The following ZFYVE16 variants were observed in gnomAD, a reference collection of about 807,000 sequenced individuals.
ZFYVE16 encodes the protein zinc finger FYVE domain-containing protein 16.
In ZFYVE16, 89 loss-of-function variants were observed where a neutral mutation model predicts 138.1. The observed-to-expected ratio is 0.64, with a 90% CI of 0.54 to 0.77. The LOEUF (loss-of-function observed/expected upper bound fraction) is 0.77. Among genes scored for constraint, ZFYVE16 ranks in the 30% least tolerant of loss-of-function variants. ZFYVE16 has a pLI of 0.00. For missense variants in ZFYVE16, 1,793 were observed against 1,786.7 expected (o/e 1.00, Z -0.06); for synonymous variants, 596 against 618.3 (o/e 0.96, Z 0.53).
At chr5:80,414,289 A>G (rs1023675760) in intron 1 of ZFYVE16, among the ~76,000 whole-genome samples, 2 of 152,180 alleles carry the variant, frequency 1.3e-5, no homozygotes, top group African/African-American at 4.8e-5. Flanking sequence ...TCCTGCCTCC[A>G]TCTTGATGGG....
chr5:80,408,703 T>C (rs1306302520), intron 1 of ZFYVE16, among the ~76,000 whole-genome samples: 2 of 152,256 alleles, frequency 1.3e-5, no homozygotes, highest in African/African-American at 4.8e-5. Flanking sequence ...TTTGGTACTT[T>C]TGAGAACTCC....
intron 1 of ZFYVE16, among the ~76,000 whole-genome samples, chr5:80,411,262 A>G (rs1461458451): frequency 6.6e-6 from 1 of 151,394 alleles, no homozygotes; most frequent in African/African-American, 2.4e-5. Context: ...GATTACAGGC[A>G]TGAGCCACCA....
At chr5:80,458,575 T>C (rs928324269) in intron 14 of ZFYVE16, among the ~76,000 whole-genome samples, 3 of 152,228 alleles carry the variant, frequency 2.0e-5, no homozygotes, top group African/African-American at 7.2e-5. Flanking sequence ...TACAGAACTT[T>C]ACATTTTATA....
At chr5:80,458,482 C>G (rs921621583) in intron 14 of ZFYVE16, among the ~76,000 whole-genome samples, 1 of 152,076 alleles carries the variant, frequency 6.6e-6, no homozygotes, top group African/African-American at 2.4e-5. Flanking sequence ...AATATTTGCT[C>G]CATTCTATAC....
intron 15 of ZFYVE16, among the ~76,000 whole-genome samples, chr5:80,462,788 G>T (rs1753272977): frequency 6.6e-6 from 1 of 152,188 alleles, no homozygotes; most frequent in South Asian, 2.1e-4. Context: ...TACATTTGGG[G>T]TACAGGCGTT....
chr5:80,461,680 G>A (rs1753132222), intron 15 of ZFYVE16, among the ~76,000 whole-genome samples: 1 of 152,034 alleles, frequency 6.6e-6, no homozygotes, highest in Non-Finnish European at 1.5e-5. Context: ...CTTCTTCTAA[G>A]AACACCAGTC....
At chr5:80,450,755 T>C (rs1484039610) in intron 10 of ZFYVE16, among the ~76,000 whole-genome samples, 169 bp downstream of exon 10, 1 of 152,106 alleles carries the variant, frequency 6.6e-6, no homozygotes, top group African/African-American at 2.4e-5. Flanking sequence ...TAGCATTTTA[T>C]GTGATTAGTG....
At chr5:80,412,709 A>G (rs751744216) in intron 1 of ZFYVE16, among the ~76,000 whole-genome samples, 1 of 152,214 alleles carries the variant, frequency 6.6e-6, no homozygotes, top group African/African-American at 2.4e-5. Context: ...GCTTTTGCTA[A>G]TAAGAAACTA....
chr5:80,450,710 A>C (rs1022146769), intron 10 of ZFYVE16, 124 bp downstream of exon 10: 9 of 920,548 alleles, frequency 9.8e-6, no homozygotes, highest in Non-Finnish European at 1.4e-5. Context: ...CTGATTTCTG[A>C]AAATAGCTTA....
intron 15 of ZFYVE16, among the ~76,000 whole-genome samples, chr5:80,472,120 G>A (rs1013430989): frequency 1.3e-5 from 2 of 151,982 alleles, no homozygotes; most frequent in African/African-American, 2.4e-5. Context: ...CTCTGTTATT[G>A]TGTCCCCAGT....
chr5:80,464,527 A>C lies in ZFYVE16; in HGVS notation c.4024+5033A>C, dbSNP rs373227675. ...CATGATGAGATTTGGGTGGGGACAC[A>C]AAGCCTAACCATATCACTAAGAATT... On this transcript the variant is annotated intron_variant, in intron 15 of 18. Coordinates refer to ENST00000505560, the MANE Select transcript of ZFYVE16 (RefSeq NM_001284236.3). Among the ~76,000 whole-genome samples the C allele has an allele frequency of 3.9e-5, 6 of 152,328 alleles. No homozygotes were observed. The East Asian group carries it at 1.2e-3, about 29-fold the overall frequency.
chr5:80,448,227 G>A lies in ZFYVE16; in HGVS notation c.2926G>A (p.Glu976Lys). The change falls in exon 8 of 19, where the codon GAA becomes AAA. Residue 976 changes from glutamate (E) to lysine (K), a missense_variant. Glu to Lys is a moderately conservative substitution (Grantham distance 56). Around this residue, in one of 2 missense-constraint regions of ZFYVE16, gnomAD observed 1,295 missense variants for 1,204.3 expected, o/e 1.08. Transcript: ENST00000505560. ...TLDDDVFAETEEPSSPTGVLV... is the reference protein window; with the variant it reads ...TLDDDVFAETKEPSSPTGVLV... ...AGATGATGATGTTTTTGCAGAAACT[G>A]AAGAACCATCTAGTCCTACTGGTGT... 1 of 1,613,894 alleles carries A rather than the reference G, an allele frequency of 6.2e-7. No homozygotes were observed. Among genetic ancestry groups the A allele is most frequent in the Non-Finnish European group, 8.5e-7 (1 of 1,179,928 alleles).
upstream of ZFYVE16, chr5:80,407,999 T>C (rs1744837931): frequency 6.6e-6 from 1 of 152,328 alleles, no homozygotes; most frequent in African/African-American, 2.4e-5. Flanking sequence ...GAAAGCGTCC[T>C]CTGCGCCTGC....
intron 2 of ZFYVE16, among the ~76,000 whole-genome samples, chr5:80,428,181 A>C (rs891214796): frequency 7.2e-5 from 11 of 152,068 alleles, no homozygotes; most frequent in African/African-American, 2.4e-4. Flanking sequence ...CTGACCCCCG[A>C]GTAGCCTAAC....
chr5:80,432,215 T>C (rs563467356), intron 2 of ZFYVE16, among the ~76,000 whole-genome samples: 9 of 152,284 alleles, frequency 5.9e-5, no homozygotes, highest in Admixed American at 3.3e-4. Context: ...CAAAACAGCA[T>C]GGTACTGGTA....
chr5:80,465,399 T>TG (rs1330156471), intron 15 of ZFYVE16, among the ~76,000 whole-genome samples: 9 of 122,122 alleles, frequency 7.4e-5, no homozygotes, highest in Non-Finnish European at 1.4e-4. Context: ...TCCTTTTCTT[T>TG]GTTTTTTTTT....
intron 14 of ZFYVE16, among the ~76,000 whole-genome samples, chr5:80,458,727 C>A (rs1752789708): frequency 6.6e-6 from 1 of 152,010 alleles, no homozygotes; most frequent in Non-Finnish European, 1.5e-5. Flanking sequence ...AAGATAAATT[C>A]CCAAAAGTGG....
At chr5:80,444,246 T>C (rs1265332254) in intron 6 of ZFYVE16, among the ~76,000 whole-genome samples, 4 of 152,148 alleles carry the variant, frequency 2.6e-5, no homozygotes, top group Non-Finnish European at 4.4e-5. Context: ...TCGTATATTA[T>C]AGCTCTAAAG....
chr5:80,408,294 C>T (rs561795954), intron 1 of ZFYVE16, 141 bp downstream of exon 1: 2 of 152,632 alleles, frequency 1.3e-5, no homozygotes, highest in Admixed American at 1.3e-4. Flanking sequence ...GGGCCCCGAC[C>T]GATTCCTTTT....
Sources: allele counts gnomAD v4.1 joint callset (sites outside exome capture counted in the v4.1 genomes callset), GRCh38; gene constraint gnomAD v4.1.1; regional missense constraint gnomAD v4.1.1; transcripts MANE v1.5; gene names NCBI Gene and HGNC (gene_info 2026-07-23, HGNC 2026-07-21).